Variants in PRKCA observed in about 807,000 individuals in gnomAD.
PRKCA encodes the protein protein kinase C alpha type.
PRKCA carries 27 observed loss-of-function variants against 87.0 expected under a neutral mutation model. The ratio of observed to expected loss-of-function variants is 0.31; its 90% CI spans 0.23 to 0.43. The LOEUF is 0.43. Among genes scored for constraint, PRKCA ranks in the 20% least tolerant of loss-of-function variants. The pLI is 1.00. For synonymous variants in PRKCA, 329 were observed against 311.1 expected, an observed-to-expected ratio of 1.06 and a Z score of -0.61; for missense variants, 518 against 852.3, an observed-to-expected ratio of 0.61 and a Z score of 4.88.
intron 3 of PRKCA, among the ~76,000 whole-genome samples, chr17:66,522,406 CAG>C (rs1245059836): frequency 6.6e-6 from 1 of 152,048 alleles, no homozygotes; most frequent in African/African-American, 2.4e-5. Context: ...GAGCTCTTGT[CAG>C]TTGGCAGGAC....
chr17:66,609,461 A>G (rs1277253189), intron 3 of PRKCA, among the ~76,000 whole-genome samples: 1 of 152,238 alleles, frequency 6.6e-6, no homozygotes, highest in Non-Finnish European at 1.5e-5. Context: ...AAACAATGGT[A>G]CTGTGACTTT....
At chr17:66,621,596 G>A (rs1376573181) in intron 3 of PRKCA, among the ~76,000 whole-genome samples, 1 of 152,136 alleles carries the variant, frequency 6.6e-6, no homozygotes, top group East Asian at 1.9e-4. Flanking sequence ...TTCTTGTAGT[G>A]GGAGTTAAGA....
chr17:66,642,889 A>G (rs1971343495), intron 4 of PRKCA, among the ~76,000 whole-genome samples: 1 of 152,134 alleles, frequency 6.6e-6, no homozygotes, highest in Non-Finnish European at 1.5e-5. Context: ...CTAAAAATGC[A>G]AAATTAGTCT....
At chr17:66,364,996 T>A (rs929019955) in intron 2 of PRKCA, among the ~76,000 whole-genome samples, 1 of 152,162 alleles carries the variant, frequency 6.6e-6, no homozygotes, top group Non-Finnish European at 1.5e-5. Context: ...CCATTGTATG[T>A]GTTTAAAAAG....
intron 2 of PRKCA, among the ~76,000 whole-genome samples, chr17:66,319,735 CTT>C (rs35439479): frequency 5.3e-5 from 8 of 150,318 alleles, no homozygotes; most frequent in African/African-American, 2.4e-5. Flanking sequence ...TCATATACTT[CTT>C]TTTTTTTTTT....
chr17:66,520,714 A>G (rs1260490905), intron 3 of PRKCA, among the ~76,000 whole-genome samples: 2 of 152,224 alleles, frequency 1.3e-5, no homozygotes, highest in East Asian at 3.9e-4. Context: ...TCCTTGGGCT[A>G]AGGAAACAGT....
intron 2 of PRKCA, among the ~76,000 whole-genome samples, chr17:66,310,056 T>C (rs1043555788): frequency 1.8e-4 from 27 of 152,108 alleles, no homozygotes; most frequent in African/African-American, 6.5e-4. Context: ...GCCAACTCGA[T>C]TTTTTTCCCC....
At chr17:66,441,611 G>A (rs1355347820) in intron 2 of PRKCA, among the ~76,000 whole-genome samples, 2 of 152,148 alleles carry the variant, frequency 1.3e-5, no homozygotes, top group Non-Finnish European at 2.9e-5. Flanking sequence ...GCACACTGGG[G>A]ACGTCTGTGC....
At chr17:66,638,235 G>C (rs978589478) in intron 3 of PRKCA, 1 of 145,404 alleles carries the variant, frequency 6.9e-6, no homozygotes. Context: ...AAAAGCTCTT[G>C]TGATGGGAAT....
At chr17:66,646,521 T>C (rs1165042786) in intron 5 of PRKCA, among the ~76,000 whole-genome samples, 1 of 152,230 alleles carries the variant, frequency 6.6e-6, no homozygotes, top group African/African-American at 2.4e-5. Context: ...TTCATTTTCA[T>C]TTGATCAGCA....
chr17:66,642,419 G>A (rs925092553), intron 4 of PRKCA, among the ~76,000 whole-genome samples: 12 of 152,114 alleles, frequency 7.9e-5, no homozygotes, highest in South Asian at 4.2e-4. Flanking sequence ...GTGAGTCACC[G>A]CGCCCAACCT....
At chr17:66,642,829 G>A (rs1971340681) in intron 4 of PRKCA, among the ~76,000 whole-genome samples, 1 of 152,128 alleles carries the variant, frequency 6.6e-6, no homozygotes, top group South Asian at 2.1e-4. Flanking sequence ...GATCACCTGA[G>A]GTTAGGAGTT....
At chr17:66,774,167 G>A in intron 14 of PRKCA, 100 bp downstream of exon 14, 1 of 1,591,214 alleles carries the variant, frequency 6.3e-7, no homozygotes, top group East Asian at 2.3e-5. Flanking sequence ...TTTTAGTGCA[G>A]CTGGTGTTGG....
chr17:66,423,986 C>T (rs1207720917), intron 2 of PRKCA, among the ~76,000 whole-genome samples: 1 of 152,020 alleles, frequency 6.6e-6, no homozygotes, highest in Non-Finnish European at 1.5e-5. Flanking sequence ...TAAAACAATT[C>T]TCTTTGGCAC....
chr17:66,586,432 G>A (rs1332333207), intron 3 of PRKCA, among the ~76,000 whole-genome samples: 2 of 152,210 alleles, frequency 1.3e-5, no homozygotes, highest in Non-Finnish European at 1.5e-5. Flanking sequence ...CAACTGATGT[G>A]ATAAGAGTAG....
At chr17:66,782,035 T>A (rs1975246816) in intron 14 of PRKCA, among the ~76,000 whole-genome samples, 1 of 151,776 alleles carries the variant, frequency 6.6e-6, no homozygotes, top group South Asian at 2.1e-4. Context: ...TGCTTCAGCC[T>A]CCCAGGTAGC....
At chr17:66,739,580 A>G (rs532442879) in intron 11 of PRKCA, among the ~76,000 whole-genome samples, 1 of 152,186 alleles carries the variant, frequency 6.6e-6, no homozygotes, top group Non-Finnish European at 1.5e-5. Flanking sequence ...CTTGCGCAGG[A>G]TACCAGGATA....
intron 2 of PRKCA, among the ~76,000 whole-genome samples, chr17:66,459,813 G>C (rs1425164872): frequency 2.0e-5 from 3 of 152,166 alleles, no homozygotes; most frequent in Non-Finnish European, 2.9e-5. Context: ...ACTGCTTTCT[G>C]ATCTTTTTAC....
rs76085589 is a variant in PRKCA, at chr17:66,389,236, C to T, written c.205+83109C>T. Among the ~76,000 whole-genome samples the T allele has an allele frequency of 1.4e-4, 22 of 152,216 alleles. No individual in the cohort carries two copies. The East Asian group carries it at 4.1e-3, about 28-fold the overall frequency. On this transcript the variant is annotated intron_variant, in intron 2 of 16. Coordinates refer to ENST00000413366, the MANE Select transcript of PRKCA (RefSeq NM_002737.3). Reference sequence around the variant, plus strand: ...GAGTTCTTAGGGTAAATATCTGTGGCGTTAAATTTCACTTTAATACAGAAA... The same window carrying T: ...GAGTTCTTAGGGTAAATATCTGTGGTGTTAAATTTCACTTTAATACAGAAA...
Sources: gnomAD v4.1 joint callset for allele counts (sites outside exome capture counted in the v4.1 genomes callset) on GRCh38, gnomAD v4.1.1 for gene constraint, MANE v1.5 for transcripts, NCBI Gene and HGNC (gene_info 2026-07-23, HGNC 2026-07-21) for gene names.